MACROD2: variants seen among roughly 807,000 people sequenced by gnomAD.
MACROD2 encodes the protein mono-ADP ribosylhydrolase 2.
In MACROD2, 36 loss-of-function variants were observed where a neutral mutation model predicts 70.4. That is an observed-to-expected ratio of 0.51 (90% CI 0.39 to 0.68). The LOEUF is 0.68. MACROD2 is among the 30% of genes least tolerant of loss of function. The pLI, the probability that MACROD2 is intolerant of heterozygous loss-of-function variation, is 0.00. For missense variants in MACROD2, 496 were observed against 538.4 expected, an observed-to-expected ratio of 0.92 and a Z score of 0.78; for synonymous variants, 172 against 178.8, an observed-to-expected ratio of 0.96 and a Z score of 0.30.
intron 4 of MACROD2, among the ~76,000 whole-genome samples, chr20:14,666,276 A>G (rs762232976): frequency 1.3e-5 from 2 of 152,232 alleles, no homozygotes; most frequent in African/African-American, 4.8e-5. Flanking sequence ...TATTTATGAT[A>G]CATAGTTTAT....
chr20:15,456,303 C>T (rs931763910), intron 7 of MACROD2, among the ~76,000 whole-genome samples: 1 of 152,174 alleles, frequency 6.6e-6, no homozygotes, highest in Non-Finnish European at 1.5e-5. Context: ...ACAGTTCCTT[C>T]CCCTGGGAGA....
intron 4 of MACROD2, among the ~76,000 whole-genome samples, chr20:14,590,582 C>A (rs565691356): frequency 6.6e-6 from 1 of 152,068 alleles, no homozygotes; most frequent in South Asian, 2.1e-4. Context: ...CTATTTTACT[C>A]ATTTGTCTGT....
chr20:15,042,555 C>T (rs1309080855), intron 5 of MACROD2, among the ~76,000 whole-genome samples: 1 of 152,172 alleles, frequency 6.6e-6, no homozygotes, highest in African/African-American at 2.4e-5. Flanking sequence ...ACATCTCATT[C>T]TAGGGCCCAC....
Position 15,289,558 on chromosome 20 carries a change from G to A in MACROD2, c.540+59497G>A, listed in dbSNP as rs9679798. Among the ~76,000 whole-genome samples, 1,159 of 152,310 alleles carry A rather than the reference G, an allele frequency of 7.6e-3. 14 individuals carry two copies. The highest frequency in any genetic ancestry group is 0.026 in the African/African-American group (1,087 of 41,572). On this transcript the variant is annotated intron_variant, in intron 6 of 17. Transcript: ENST00000684519. Reference sequence around the variant, plus strand: ...GTTCGCACTTCAGGATGAAACAACCGTGAAGAACAAGGAAGTGGCAGGAGA... The same window carrying A: ...GTTCGCACTTCAGGATGAAACAACCATGAAGAACAAGGAAGTGGCAGGAGA...
intron 3 of MACROD2, among the ~76,000 whole-genome samples, chr20:14,349,185 T>C (rs1393005952): frequency 7.8e-5 from 9 of 114,978 alleles, no homozygotes; most frequent in African/African-American, 2.5e-4. Context: ...TGTACCTATA[T>C]ACAAACTTTT....
Position 14,326,421 on chromosome 20 carries a change from G to C in MACROD2, c.272-167058G>C. On this transcript the variant is annotated intron_variant, in intron 3 of 17. Transcript: ENST00000684519. This position sits in a 1 kb window ranked among gnomAD's most constrained non-coding sequence, Gnocchi z 5.5. ...GTATTGCAGTGGTTATCTGAATGGT[G>C]CTTACAATCCCACTGTCCTTACAAT... The C allele has an allele frequency of 6.2e-7, 1 of 1,613,882 alleles. No individual in the cohort carries two copies. The highest frequency in any genetic ancestry group is 1.7e-5 in the Admixed American group (1 of 59,994).
In MACROD2 at chr20:15,742,609, A is replaced by T. The variant is rs937618637; in HGVS notation, c.646-120136A>T. Among the ~76,000 whole-genome samples the T allele has an allele frequency of 4.6e-5, 7 of 152,174 alleles. No homozygotes were observed. In the South Asian group the frequency reaches 6.2e-4, roughly 13 times the overall value. ...AACTTTGTTGCCAGAGGAGACATTT[A>T]AAAAAACTGCTTTCTAAGGAATTGT... On this transcript the variant is annotated intron_variant, in intron 8 of 17. Transcript: ENST00000684519.
chr20:14,498,570 A>G (rs2084882174), intron 4 of MACROD2, among the ~76,000 whole-genome samples: 7 of 152,216 alleles, frequency 4.6e-5, no homozygotes, highest in Admixed American at 4.6e-4. Flanking sequence ...AGATGTTCCA[A>G]GGATTCTGCT....
At chr20:14,870,902 G>A (rs1173052733) in intron 5 of MACROD2, among the ~76,000 whole-genome samples, 1 of 152,078 alleles carries the variant, frequency 6.6e-6, no homozygotes, top group Admixed American at 6.6e-5. Context: ...TAGGTTGTCT[G>A]TTCACTTTGT....
chr20:15,138,399 GTCTCATAATGGACTATTTTAGA>G (rs1342421838), intron 5 of MACROD2, among the ~76,000 whole-genome samples: 1 of 152,120 alleles, frequency 6.6e-6, no homozygotes, highest in Admixed American at 6.5e-5. Context: ...CATGTGAAAT[GTCTCATAATGGACTATTTTAGA>G]TTTAAGCTAT....
intron 4 of MACROD2, among the ~76,000 whole-genome samples, chr20:14,617,433 T>C (rs917689126): frequency 6.6e-6 from 1 of 152,096 alleles, no homozygotes; most frequent in African/African-American, 2.4e-5. Flanking sequence ...CATATTCTGC[T>C]CTCTCAGTGG....
chr20:15,625,071 G>T (rs2049183298), intron 8 of MACROD2, among the ~76,000 whole-genome samples: 1 of 152,094 alleles, frequency 6.6e-6, no homozygotes, highest in Non-Finnish European at 1.5e-5. Flanking sequence ...TTTTCCTTCT[G>T]TTTAAATATA....
At chr20:14,252,150 A>T (rs1204474121) in intron 3 of MACROD2, among the ~76,000 whole-genome samples, 2 of 152,022 alleles carry the variant, frequency 1.3e-5, no homozygotes, top group East Asian at 3.9e-4. Flanking sequence ...TGGAGGAAGA[A>T]ATCTAGAGAG....
Position 15,366,581 on chromosome 20 carries a change from C to T in MACROD2, c.541-64824C>T, listed in dbSNP as rs117257621. Among the ~76,000 whole-genome samples, 56 of 152,238 alleles carry T rather than the reference C, an allele frequency of 3.7e-4. No individual in the cohort carries two copies. The East Asian group carries it at 9.7e-3, about 26-fold the overall frequency. On this transcript the variant is annotated intron_variant, in intron 6 of 17. Transcript: ENST00000684519. ...TTTGTTTTTAATAGATAGGGTCTTA[C>T]TCTGTTGCCCAGGCTGGGGAGTATG...
chr20:15,329,668 T>C (rs2077971205), intron 6 of MACROD2, among the ~76,000 whole-genome samples: 1 of 152,108 alleles, frequency 6.6e-6, no homozygotes, highest in Non-Finnish European at 1.5e-5. Context: ...TTCACAAATT[T>C]TTCAGATGTG....
At chr20:14,509,082 A>G (rs13043292) in intron 4 of MACROD2, among the ~76,000 whole-genome samples, 23,135 of 152,142 alleles carry the variant, frequency 0.15, 2,513 homozygotes, top group Non-Finnish European at 0.22. Flanking sequence ...CAGGATATTA[A>G]ACTACTGTGC....
intron 4 of MACROD2, among the ~76,000 whole-genome samples, chr20:14,652,522 C>T (rs979657559): frequency 2.0e-5 from 3 of 151,994 alleles, no homozygotes; most frequent in Non-Finnish European, 4.4e-5. Flanking sequence ...TAACTTAACA[C>T]AATAACTAAA....
At chr20:14,914,765 A>G (rs1324248878) in intron 5 of MACROD2, among the ~76,000 whole-genome samples, 2 of 152,210 alleles carry the variant, frequency 1.3e-5, no homozygotes, top group Non-Finnish European at 2.9e-5. Flanking sequence ...TTTTGCTAGC[A>G]TATGCTGTCA....
At chr20:14,345,885 C>T (rs1388741821) in intron 3 of MACROD2, among the ~76,000 whole-genome samples, 1 of 151,448 alleles carries the variant, frequency 6.6e-6, no homozygotes, top group Non-Finnish European at 1.5e-5. Flanking sequence ...AGATCGAGAC[C>T]ATCCTGGCTA....
Sources: allele counts gnomAD v4.1 joint callset (sites outside exome capture counted in the v4.1 genomes callset), GRCh38; gene constraint gnomAD v4.1.1; non-coding constraint Gnocchi (gnomAD v3.1); transcripts MANE v1.5; gene names NCBI Gene and HGNC (gene_info 2026-07-23, HGNC 2026-07-21).